Variants in CCDC14 observed in about 807,000 individuals in gnomAD.
CCDC14 encodes coiled-coil domain-containing protein 14.
A neutral mutation model predicts 81.4 loss-of-function variants in CCDC14; 71 were observed. The observed-to-expected ratio is 0.87, with a 90% CI of 0.72 to 1.06. The LOEUF (loss-of-function observed/expected upper bound fraction) is 1.06. Ranked by LOEUF, CCDC14 falls within the 50% of genes least tolerant of loss-of-function variation. CCDC14 has a pLI of 0.00. For missense variants in CCDC14, 1,046 were observed against 1,047.3 expected (o/e 1.00, Z 0.02); for synonymous variants, 332 against 364.8 (o/e 0.91, Z 1.03).
intron 9 of CCDC14, among the ~76,000 whole-genome samples, chr3:123,940,388 C>T (rs567950314): frequency 1.9e-4 from 29 of 152,044 alleles, no homozygotes; most frequent in African/African-American, 7.0e-4. Flanking sequence ...AGAGATCCTA[C>T]TATCTTTAAT....
chr3:123,937,230 G>C (rs1367895737), intron 9 of CCDC14, among the ~76,000 whole-genome samples: 1 of 151,986 alleles, frequency 6.6e-6, no homozygotes, highest in Non-Finnish European at 1.5e-5. Flanking sequence ...TCATATGTTA[G>C]ATATATGTTT....
intron 1 of CCDC14, 170 bp from the exon 2 acceptor site, chr3:123,956,965 A>G (rs1197115692): frequency 4.4e-6 from 2 of 453,124 alleles, no homozygotes; most frequent in South Asian, 3.9e-5. Flanking sequence ...TGACCCTAGC[A>G]ACTATCATCC....
At chr3:123,923,610 C>G (rs2035175395) in intron 12 of CCDC14, among the ~76,000 whole-genome samples, 3 of 151,864 alleles carry the variant, frequency 2.0e-5, no homozygotes, top group Non-Finnish European at 4.4e-5. Context: ...CATTTCTATA[C>G]ACTCACAACA....
intron 12 of CCDC14, among the ~76,000 whole-genome samples, chr3:123,918,569 G>A (rs2682250): frequency 0.12 from 18,325 of 152,088 alleles, 2,665 homozygotes; most frequent in East Asian, 0.35. Flanking sequence ...GGGTTAAAAG[G>A]AACAGTTTCA....
chr3:123,957,127 G>A (rs2037369844), intron 1 of CCDC14: 1 of 163,610 alleles, frequency 6.1e-6, no homozygotes. Flanking sequence ...CCTTTTTGAG[G>A]TCAAATATAT....
At chr3:123,920,456 GAACTGTTAAAATTCAAAGAT>G (rs2034976790) in intron 12 of CCDC14, among the ~76,000 whole-genome samples, 1 of 152,234 alleles carries the variant, frequency 6.6e-6, no homozygotes, top group African/African-American at 2.4e-5. Context: ...CACCATAACT[GAACTGTTAAAATTCAAAGAT>G]AACTGTTAAA....
intron 11 of CCDC14, 25 bp downstream of exon 11, chr3:123,931,283 C>A (rs374561314): frequency 7.2e-5 from 113 of 1,575,704 alleles, no homozygotes; most frequent in Non-Finnish European, 9.7e-5. Context: ...AAAGATGTGA[C>A]CATAACTACT....
chr3:123,956,810 A>G lies in CCDC14; in HGVS notation c.31-15T>C, dbSNP rs2037352045. 1 of 1,436,594 alleles carries G rather than the reference A, an allele frequency of 7.0e-7. No homozygotes were observed. The highest frequency in any genetic ancestry group is 1.4e-5 in the African/African-American group (1 of 69,150). 89.0% of individuals were successfully genotyped at this position (1,436,594 alleles called of 1,614,324 possible). On this transcript the variant is annotated splice_polypyrimidine_tract_variant and intron_variant, in intron 1 of 12. Transcript: ENST00000409697. ...GAAGATAACACCTATGACATAATAT[A>G]TTATAGCAGATAAACAAATATTTTT...
intron 7 of CCDC14, 29 bp from the exon 8 acceptor site, chr3:123,947,348 A>T: frequency 1.3e-6 from 2 of 1,541,694 alleles, no homozygotes; most frequent in Non-Finnish European, 1.8e-6. Flanking sequence ...AAGTCTTCAG[A>T]AGTATGAGCA....
At chr3:123,919,044 A>G (rs1487730776) in intron 12 of CCDC14, among the ~76,000 whole-genome samples, 2 of 152,104 alleles carry the variant, frequency 1.3e-5, no homozygotes, top group African/African-American at 4.8e-5. Context: ...ATCTGGTCCC[A>G]TAAGAACTGA....
At chr3:123,896,108 G>A (rs1009086797), downstream of CCDC14, among the ~76,000 whole-genome samples, 4 of 152,182 alleles carry the variant, frequency 2.6e-5, no homozygotes, top group Non-Finnish European at 5.9e-5. Context: ...AAATTTAACC[G>A]CCAATGTGGC....
In CCDC14 at chr3:123,949,053, GT is replaced by G; in HGVS notation, c.431del (p.Asn144ThrfsTer14). The G allele has an allele frequency of 6.2e-7, 1 of 1,613,482 alleles. No homozygotes were observed. The highest frequency in any genetic ancestry group is 8.5e-7 in the Non-Finnish European group (1 of 1,179,636). ...SERDTSDLEQ[N>X]WSLQDHYRMY... ...TTCTATAATGATCTTGCAATGACCAGTTTTGCTCTAGGTCTGATGTGTCTCT... is the reference window on the plus strand; with the variant it reads ...TTCTATAATGATCTTGCAATGACCAGTTTGCTCTAGGTCTGATGTGTCTCT... On this transcript the variant is annotated frameshift_variant, in exon 6 of 13. Coordinates refer to ENST00000409697, the MANE Select transcript of CCDC14 (RefSeq NM_001366335.1). LOFTEE classifies it high-confidence loss of function.
intron 12 of CCDC14, among the ~76,000 whole-genome samples, chr3:123,925,242 T>C (rs1485140659): frequency 1.3e-5 from 2 of 152,022 alleles, no homozygotes; most frequent in Non-Finnish European, 2.9e-5. Flanking sequence ...AGACAAATAC[T>C]GCATGACCTC....
At chr3:123,909,000 T>C (rs1192864130), downstream of CCDC14, among the ~76,000 whole-genome samples, 1 of 152,170 alleles carries the variant, frequency 6.6e-6, no homozygotes, top group East Asian at 1.9e-4. Context: ...CCATTGAGGC[T>C]CTAGGTTTGA....
chr3:123,911,733 T>C (rs1018458774), downstream of CCDC14, among the ~76,000 whole-genome samples: 1 of 152,168 alleles, frequency 6.6e-6, no homozygotes. Flanking sequence ...TTTCATTCAC[T>C]GAGTGAATGA....
chr3:123,948,638 G>T, intron 7 of CCDC14, 53 bp downstream of exon 7: 1 of 1,295,290 alleles, frequency 7.7e-7, no homozygotes, highest in South Asian at 1.4e-5. Context: ...AGTCCCTCCT[G>T]AATGACTGCT....
At chr3:123,919,683 C>G (rs1236454910) in intron 12 of CCDC14, among the ~76,000 whole-genome samples, 1 of 152,226 alleles carries the variant, frequency 6.6e-6, no homozygotes, top group East Asian at 1.9e-4. Flanking sequence ...GAGAACCCAA[C>G]AGCAAGGTCT....
chr3:123,888,066 CA>C, the CCDC14 span, among the ~76,000 whole-genome samples: 36 of 148,376 alleles, frequency 2.4e-4, no homozygotes, highest in Admixed American at 4.7e-4. Context: ...TGTTTAATTC[CA>C]AAAAAAAATA....
chr3:123,907,434 A>G (rs1191940943), intron 5 of CCDC14, among the ~76,000 whole-genome samples: 1 of 151,984 alleles, frequency 6.6e-6, no homozygotes, highest in Non-Finnish European at 1.5e-5. Flanking sequence ...CTGGCTGGGC[A>G]TGGTAGCTCA....
Sources: allele counts gnomAD v4.1 joint callset (sites outside exome capture counted in the v4.1 genomes callset), GRCh38; gene constraint gnomAD v4.1.1; transcripts MANE v1.5; gene names NCBI Gene and HGNC (gene_info 2026-07-23, HGNC 2026-07-21).